The following TRPS1 variants were observed in gnomAD, a reference collection of about 807,000 sequenced individuals.
The protein encoded by TRPS1 is zinc finger transcription factor Trps1.
A neutral mutation model predicts 101.2 loss-of-function variants in TRPS1; 6 were observed. That is an observed-to-expected ratio of 0.06 (90% CI 0.03 to 0.12). The LOEUF (loss-of-function observed/expected upper bound fraction) is 0.12. Among genes scored for constraint, TRPS1 ranks in the 10% least tolerant of loss-of-function variants. The probability of loss-of-function intolerance (pLI) is 1.00; values close to 1 mark genes in which losing one functional copy is unlikely to be tolerated. For missense variants in TRPS1, 1,363 were observed against 1,567.0 expected (o/e 0.87, Z 2.20); for synonymous variants, 578 against 589.8 (o/e 0.98, Z 0.29).
intron 5 of TRPS1, among the ~76,000 whole-genome samples, chr8:115,494,477 G>T (rs1253759042): frequency 6.6e-6 from 1 of 152,320 alleles, no homozygotes; most frequent in South Asian, 2.1e-4. Context: ...AAAGCAAATT[G>T]CTTACGCCAA....
chr8:115,479,700 C>T (rs6469594), intron 5 of TRPS1, among the ~76,000 whole-genome samples: 3,253 of 152,194 alleles, frequency 0.021, 120 homozygotes, highest in African/African-American at 0.069. Flanking sequence ...ACAGCTAGGA[C>T]ATTAATAATA....
intron 3 of TRPS1, among the ~76,000 whole-genome samples, chr8:115,612,781 C>T (rs1818199463): frequency 6.6e-6 from 1 of 152,186 alleles, no homozygotes; most frequent in Non-Finnish European, 1.5e-5. Context: ...CTATGTCCCA[C>T]CCGTCTATTG....
chr8:115,531,663 G>C (rs1227111462), intron 5 of TRPS1, among the ~76,000 whole-genome samples: 2 of 152,024 alleles, frequency 1.3e-5, no homozygotes, highest in African/African-American at 2.4e-5. Flanking sequence ...AGGAAGCTGG[G>C]GATGCCTTTG....
chr8:115,663,409 G>A (rs1459000730), intron 1 of TRPS1, among the ~76,000 whole-genome samples: 1 of 152,006 alleles, frequency 6.6e-6, no homozygotes, highest in African/African-American at 2.4e-5. Flanking sequence ...GAAAGAGTAG[G>A]AGAGAAAGTT....
At chr8:115,416,799 ATAGCT>A (rs1480021784) in intron 6 of TRPS1, among the ~76,000 whole-genome samples, 2 of 152,096 alleles carry the variant, frequency 1.3e-5, no homozygotes, top group Non-Finnish European at 2.9e-5. Flanking sequence ...AAAATGCAAC[ATAGCT>A]TAGTTATGCC....
chr8:115,457,128 C>T (rs956939972), intron 5 of TRPS1, among the ~76,000 whole-genome samples: 4 of 151,872 alleles, frequency 2.6e-5, no homozygotes, highest in African/African-American at 9.7e-5. Context: ...AGAGCCACAA[C>T]GAAAGAAAGT....
rs140368403 is a variant in TRPS1 at position 115,422,135 on chromosome 8, C to A, written c.2701-3683G>T. The stretch of plus-strand genomic sequence containing the variant: ...CATTCTAAGGAATAAGCACCTAGGA[C>A]AGTGCTCTGTTAGGCTAAACATTAA... On this transcript the variant is annotated intron_variant, in intron 5 of 6. Transcript: ENST00000395715. Among the ~76,000 whole-genome samples, 1,329 of 152,114 alleles carry A rather than the reference C, an allele frequency of 8.7e-3. 25 individuals carry two copies. Among genetic ancestry groups the A allele is most frequent in the African/African-American group, 0.031 (1,282 of 41,474 alleles).
At chr8:115,468,008 C>A (rs1814370074) in intron 5 of TRPS1, among the ~76,000 whole-genome samples, 1 of 152,182 alleles carries the variant, frequency 6.6e-6, no homozygotes, top group Non-Finnish European at 1.5e-5. Flanking sequence ...TTCGTGCCTA[C>A]AGAAATTCCC....
intron 5 of TRPS1, among the ~76,000 whole-genome samples, chr8:115,573,776 C>T (rs769905158): frequency 1.3e-5 from 2 of 152,184 alleles, no homozygotes; most frequent in Admixed American, 1.3e-4. Context: ...CCATACTATA[C>T]TATACCTAAC....
At chr8:115,515,637 T>G (rs1815692213) in intron 5 of TRPS1, among the ~76,000 whole-genome samples, 1 of 151,508 alleles carries the variant, frequency 6.6e-6, no homozygotes, top group African/African-American at 2.4e-5. Flanking sequence ...CTTATAATAC[T>G]TAGTAATAAG....
chr8:115,598,638 G>T (rs1817841255), intron 4 of TRPS1, among the ~76,000 whole-genome samples: 1 of 152,106 alleles, frequency 6.6e-6, no homozygotes, highest in Non-Finnish European at 1.5e-5. Flanking sequence ...AACAAGACAG[G>T]CAATGTTTGT....
At chr8:115,515,075 G>T in intron 5 of TRPS1, 1 of 578,252 alleles carries the variant, frequency 1.7e-6, no homozygotes, top group Non-Finnish European at 3.1e-6. Context: ...ATTTGTTGAG[G>T]ACTCAAGAGA....
At position 115,498,415 on chromosome 8, in the gene TRPS1, CTATATATATATATATATA is replaced by C. The variant is rs67505193; in HGVS notation, c.2701-79981_2701-79964del. Among the ~76,000 whole-genome samples the C allele has an allele frequency of 1.5e-3, 58 of 39,316 alleles. No homozygotes were observed. The East Asian group carries it at 0.018, about 12-fold the overall frequency. 25.8% of individuals were successfully genotyped at this position (39,316 alleles called of 152,430 possible). On this transcript the variant is annotated intron_variant, in intron 5 of 6. Coordinates refer to ENST00000395715, the MANE Select transcript of TRPS1 (RefSeq NM_014112.5). ...TCTCTCTCTCTCTCTCTCTCTCTCT[CTATATATATATATATATA>C]TATATATATATATATATAGTTGATT... is the stretch of plus-strand genomic sequence containing the variant.
chr8:115,646,975 AAAG>A (rs1484094988), intron 1 of TRPS1, among the ~76,000 whole-genome samples: 2 of 151,988 alleles, frequency 1.3e-5, no homozygotes, highest in African/African-American at 2.4e-5. Flanking sequence ...TACAAATTAA[AAAG>A]AAGGATCTAA....
At chr8:115,437,167 A>G (rs572036160) in intron 5 of TRPS1, among the ~76,000 whole-genome samples, 2 of 152,188 alleles carry the variant, frequency 1.3e-5, no homozygotes, top group African/African-American at 4.8e-5. Context: ...TCAATCCAGG[A>G]CATTTTCTTT....
chr8:115,610,379 G>A (rs1389085864), intron 3 of TRPS1, among the ~76,000 whole-genome samples: 1 of 152,180 alleles, frequency 6.6e-6, no homozygotes. Flanking sequence ...TTTTCTGCAT[G>A]TATAGTGCTT....
At chr8:115,579,599 T>G (rs746672951) in intron 5 of TRPS1, among the ~76,000 whole-genome samples, 2 of 146,490 alleles carry the variant, frequency 1.4e-5, no homozygotes, top group Non-Finnish European at 3.0e-5. Context: ...CATAAAAGTT[T>G]GATTCATAAT....
chr8:115,624,661 T>C (rs892246870), intron 1 of TRPS1, among the ~76,000 whole-genome samples: 1 of 151,980 alleles, frequency 6.6e-6, no homozygotes, highest in Admixed American at 6.6e-5. Context: ...TGCTTTGCTT[T>C]CTTAGAAAAT....
At position 115,414,616 on chromosome 8, in the gene TRPS1, T is replaced by C; in HGVS notation, c.3292A>G (p.Ser1098Gly). 1 of 1,614,046 alleles carries C rather than the reference T, an allele frequency of 6.2e-7. No homozygotes were observed. The change falls in exon 7 of 7, where the codon AGC (serine) becomes GGC (glycine). Residue 1098 changes from serine to glycine, a missense_variant. Ser to Gly is a moderately conservative substitution (Grantham distance 56). Transcript: ENST00000395715. This position sits in a 1 kb window ranked among gnomAD's most constrained non-coding sequence, Gnocchi z 4.8. Reference protein sequence around the residue: ...AKHPNYSPPGSPIEKYQYPLF... With the variant: ...AKHPNYSPPGGPIEKYQYPLF... The stretch of plus-strand genomic sequence containing the variant: ...GGGTACTGGTACTTTTCAATAGGGC[T>C]GCCTGGTGGTGAATAATTTGGGTGT...
Sources: allele counts gnomAD v4.1 joint callset (sites outside exome capture counted in the v4.1 genomes callset), GRCh38; gene constraint gnomAD v4.1.1; non-coding constraint Gnocchi (gnomAD v3.1); transcripts MANE v1.5; gene names NCBI Gene and HGNC (gene_info 2026-07-23, HGNC 2026-07-21).